Variants in EFCAB6 observed in about 807,000 individuals in gnomAD.
EFCAB6 encodes EF-hand calcium binding domain 6.
In EFCAB6, 156 loss-of-function variants were observed where a neutral mutation model predicts 169.8. The ratio of observed to expected loss-of-function variants is 0.92; its 90% CI spans 0.81 to 1.05. The LOEUF (loss-of-function observed/expected upper bound fraction) is 1.05, where lower values mean the gene tolerates loss of function less well. EFCAB6 is among the 50% of genes least tolerant of loss of function. The probability of loss-of-function intolerance (pLI) is 0.00; values close to 1 mark genes in which losing one functional copy is unlikely to be tolerated. For missense variants in EFCAB6, 1,800 were observed against 1,829.1 expected (o/e 0.98, Z 0.29); for synonymous variants, 698 against 676.4 (o/e 1.03, Z -0.50).
At chr22:43,791,676 AC>A (rs2062296100) in intron 2 of EFCAB6, among the ~76,000 whole-genome samples, 1 of 152,134 alleles carries the variant, frequency 6.6e-6, no homozygotes, top group South Asian at 2.1e-4. Context: ...ACCACCGAGG[AC>A]CCTGATAGTA....
intron 4 of EFCAB6, among the ~76,000 whole-genome samples, chr22:43,767,723 GAA>G: frequency 6.6e-6 from 1 of 152,262 alleles, no homozygotes; most frequent in South Asian, 2.1e-4. Context: ...TACCCATGAA[GAA>G]AAAGACAGCC....
rs1281960940 is a variant in EFCAB6, at chr22:43,795,478, C to T, written c.-7-13153G>A. ...CCTCCTGCCCACATCTCCCCTCTCA[C>T]GGCCCCATGGGTCCCTCGGCCCTGC... is the stretch of plus-strand genomic sequence containing the variant. On this transcript the variant is annotated intron_variant, in intron 2 of 31. Transcript: ENST00000262726. The surrounding 1 kb of genome is among the most constrained non-coding windows in gnomAD (Gnocchi z 4.2). Among the ~76,000 whole-genome samples, 15 of 152,076 alleles carry T rather than the reference C, an allele frequency of 9.9e-5. No homozygotes were observed. Among genetic ancestry groups the T allele is most frequent in the South Asian group, 2.1e-4 (1 of 4,816 alleles).
At chr22:43,648,071 CTGTTGTAATAAATATA>C (rs1339530726) in intron 17 of EFCAB6, among the ~76,000 whole-genome samples, 3 of 152,198 alleles carry the variant, frequency 2.0e-5, no homozygotes, top group East Asian at 3.9e-4. Context: ...TTTCCTAAGG[CTGTTGTAATAAATATA>C]TGTTGTAATA....
chr22:43,637,538 G>A (rs2055502667), intron 17 of EFCAB6, among the ~76,000 whole-genome samples: 1 of 152,238 alleles, frequency 6.6e-6, no homozygotes, highest in Non-Finnish European at 1.5e-5. Context: ...CAGTAAACAG[G>A]CTGTGTGTGG....
chr22:43,545,769 C>G (rs764420398), intron 27 of EFCAB6, among the ~76,000 whole-genome samples: 39 of 152,204 alleles, frequency 2.6e-4, no homozygotes, highest in Non-Finnish European at 1.8e-4. Context: ...GTTTCTCCAT[C>G]ATGGGACCCC....
intron 17 of EFCAB6, among the ~76,000 whole-genome samples, chr22:43,652,205 A>G (rs528911808): frequency 8.5e-5 from 13 of 152,304 alleles, no homozygotes; most frequent in African/African-American, 2.9e-4. Flanking sequence ...AGGTAATTGA[A>G]TCATGGGGGC....
chr22:43,632,675 C>G (rs1569285816), intron 18 of EFCAB6, among the ~76,000 whole-genome samples: 2 of 152,150 alleles, frequency 1.3e-5, no homozygotes. Flanking sequence ...CAGTACCCTC[C>G]TGTGAGTTGA....
intron 3 of EFCAB6, among the ~76,000 whole-genome samples, chr22:43,779,335 A>G (rs568798451): frequency 1.2e-4 from 19 of 152,362 alleles, no homozygotes; most frequent in African/African-American, 4.6e-4. Context: ...ATACAAATAT[A>G]TATCTACAGT....
chr22:43,733,035 G>T (rs1456701007), intron 7 of EFCAB6, among the ~76,000 whole-genome samples: 1 of 152,190 alleles, frequency 6.6e-6, no homozygotes, highest in Non-Finnish European at 1.5e-5. Flanking sequence ...TTAACAAAGA[G>T]TAATGCCATG....
At position 43,615,843 on chromosome 22, in the gene EFCAB6, A is replaced by G; in HGVS notation, c.2545T>C (p.Trp849Arg). Residue 849 changes from tryptophan (W) to arginine (R), a missense_variant, in exon 21 of 32, where the codon TGG (tryptophan) becomes CGG (arginine). Physicochemically the swap from Trp to Arg is moderately radical, Grantham distance 101. Coordinates refer to ENST00000262726, the MANE Select transcript of EFCAB6 (RefSeq NM_022785.4). ...TTTCTTACCTTAGACAAGTCTGACC[A>G]TCTGTTTTTTGCTTTGGTAACAAGA... ...QYLVTKAKNR[W>R]SDLSKNFLET... The G allele has an allele frequency of 1.2e-6, 2 of 1,613,492 alleles. No individual in the cohort carries two copies. The highest frequency in any genetic ancestry group is 1.7e-6 in the Non-Finnish European group (2 of 1,179,810).
intron 3 of EFCAB6, among the ~76,000 whole-genome samples, chr22:43,778,337 G>C (rs1603361056): frequency 6.6e-6 from 1 of 152,324 alleles, no homozygotes; most frequent in Middle Eastern, 3.4e-3. Context: ...GAGGAGAGCT[G>C]AGTGATCCAC....
intron 2 of EFCAB6, among the ~76,000 whole-genome samples, chr22:43,784,569 GTGTACATATACACATATA>G (rs2061965888): frequency 5.0e-5 from 2 of 40,010 alleles, no homozygotes; most frequent in Non-Finnish European, 8.6e-5. Context: ...ACATATATAT[GTGTACATATACACATATA>G]TATGTATATA....
intron 21 of EFCAB6, among the ~76,000 whole-genome samples, chr22:43,610,717 A>C (rs570281148): frequency 6.6e-5 from 10 of 152,318 alleles, no homozygotes; most frequent in African/African-American, 2.4e-4. Flanking sequence ...ACTTCATTGT[A>C]GAGTCATAAC....
At chr22:43,563,308 A>T (rs2147141722) in intron 26 of EFCAB6, among the ~76,000 whole-genome samples, 1 of 152,324 alleles carries the variant, frequency 6.6e-6, no homozygotes, top group African/African-American at 2.4e-5. Flanking sequence ...AGTGAAAATA[A>T]AAACAGCCAC....
intron 28 of EFCAB6, among the ~76,000 whole-genome samples, 167 bp downstream of exon 28, chr22:43,539,960 T>C (rs577237627): frequency 4.8e-4 from 73 of 152,180 alleles, no homozygotes; most frequent in Non-Finnish European, 3.4e-4. Flanking sequence ...AGGGAATGGA[T>C]GCTAAGGACC....
chr22:43,684,380 C>T (rs756955214), intron 11 of EFCAB6, among the ~76,000 whole-genome samples: 4 of 152,150 alleles, frequency 2.6e-5, no homozygotes, highest in Non-Finnish European at 5.9e-5. Context: ...CATCCCTGAG[C>T]TCGGGGCCCG....
intron 1 of EFCAB6, among the ~76,000 whole-genome samples, chr22:43,809,451 A>G (rs1161136780): frequency 2.6e-5 from 4 of 152,032 alleles, no homozygotes; most frequent in Non-Finnish European, 5.9e-5. Context: ...TGTAGAGTAT[A>G]TAAGTGTTTG....
At chr22:43,665,299 T>A (rs2057196736) in intron 17 of EFCAB6, among the ~76,000 whole-genome samples, 1 of 152,130 alleles carries the variant, frequency 6.6e-6, no homozygotes, top group Non-Finnish European at 1.5e-5. Flanking sequence ...ACTGAGCTGA[T>A]GACCCAAAGT....
intron 2 of EFCAB6, among the ~76,000 whole-genome samples, chr22:43,787,625 C>T (rs2062130382): frequency 6.6e-6 from 1 of 152,014 alleles, no homozygotes; most frequent in African/African-American, 2.4e-5. Context: ...GGAAAAATAT[C>T]CCATGTTCAT....
Sources: allele counts gnomAD v4.1 joint callset (sites outside exome capture counted in the v4.1 genomes callset), GRCh38; gene constraint gnomAD v4.1.1; non-coding constraint Gnocchi (gnomAD v3.1); transcripts MANE v1.5; gene names NCBI Gene and HGNC (gene_info 2026-07-23, HGNC 2026-07-21).